CASK: variants seen among roughly 807,000 people sequenced by gnomAD.
CASK encodes peripheral plasma membrane protein CASK.
Under a neutral mutation model 82.9 loss-of-function variants are expected in CASK, and 4 were observed. The ratio of observed to expected loss-of-function variants is 0.05; its 90% CI spans 0.02 to 0.11. The LOEUF is 0.11. Ranked by LOEUF, CASK falls within the 10% of genes least tolerant of loss-of-function variation. The pLI, the probability that CASK is intolerant of heterozygous loss-of-function variation, is 1.00. For synonymous variants in CASK, 259 were observed against 253.5 expected, an observed-to-expected ratio of 1.02 and a Z score of -0.20; for missense variants, 358 against 720.9, an observed-to-expected ratio of 0.50 and a Z score of 5.76.
chrX:41,855,863 C>G (rs2071358007), intron 1 of CASK, among the ~76,000 whole-genome samples: 1 of 112,421 alleles, frequency 8.9e-6, no homozygotes. Flanking sequence ...TTATTCAACT[C>G]TTTACAAATT....
At chrX:41,676,668 T>A (rs1490910354) in intron 5 of CASK, among the ~76,000 whole-genome samples, 1 of 112,410 alleles carries the variant, frequency 8.9e-6, no homozygotes, top group South Asian at 3.7e-4. Context: ...AGTACTATCA[T>A]CAGTTTTAGG....
intron 15 of CASK, among the ~76,000 whole-genome samples, chrX:41,572,243 C>G (rs1017527260): frequency 9.1e-6 from 1 of 110,493 alleles, no homozygotes; most frequent in Non-Finnish European, 1.9e-5. Context: ...CACCACCAAA[C>G]CTGGCTTCTA....
At chrX:41,793,695 C>G (rs1463009812) in intron 2 of CASK, among the ~76,000 whole-genome samples, 5 of 111,786 alleles carry the variant, frequency 4.5e-5, no homozygotes, top group Non-Finnish European at 9.4e-5. Context: ...AGGACAAGTA[C>G]TAATGTGTTC....
chrX:41,806,211 A>C (rs1260982449), intron 2 of CASK, among the ~76,000 whole-genome samples: 1 of 112,020 alleles, frequency 8.9e-6, no homozygotes, highest in Non-Finnish European at 1.9e-5. Flanking sequence ...CTGACTTTAG[A>C]GTGACTAAAA....
At chrX:41,628,041 C>CA (rs2066409552) in intron 9 of CASK, among the ~76,000 whole-genome samples, 1 of 111,850 alleles carries the variant, frequency 8.9e-6, no homozygotes, top group South Asian at 3.7e-4. Flanking sequence ...ATGGACTTAT[C>CA]TTACAGGATT....
At chrX:41,845,405 A>C (rs953720178) in intron 2 of CASK, among the ~76,000 whole-genome samples, 3 of 111,767 alleles carry the variant, frequency 2.7e-5, no homozygotes, top group African/African-American at 9.7e-5. Context: ...AATCTTCTTG[A>C]TGGATTAATG....
intron 5 of CASK, chrX:41,727,778 T>A (rs749042708): frequency 1.7e-6 from 2 of 1,208,196 alleles, no homozygotes; most frequent in South Asian, 1.8e-5. Context: ...AAAAGACATC[T>A]TTTGGTCATC....
chrX:41,709,723 G>A (rs111732919), intron 5 of CASK, among the ~76,000 whole-genome samples: 231 of 111,582 alleles, frequency 2.1e-3, no homozygotes, highest in African/African-American at 7.3e-3. Context: ...TTTTCTAAAT[G>A]TGGTTCTCAG....
At chrX:41,714,068 C>G (rs990929360) in intron 5 of CASK, among the ~76,000 whole-genome samples, 7 of 112,002 alleles carry the variant, frequency 6.2e-5, no homozygotes, top group African/African-American at 2.3e-4. Flanking sequence ...CTTGGCTCAA[C>G]CCTCTGCTGG....
intron 1 of CASK, among the ~76,000 whole-genome samples, chrX:41,905,242 G>T (rs543631614): frequency 6.3e-5 from 7 of 111,675 alleles, no homozygotes; most frequent in African/African-American, 2.3e-4. Context: ...TAATTCTCTT[G>T]GGCACATACC....
chrX:41,910,138 C>T (rs1205547975), intron 1 of CASK, among the ~76,000 whole-genome samples: 3 of 110,523 alleles, frequency 2.7e-5, no homozygotes, highest in Non-Finnish European at 5.7e-5. Context: ...AGGAGAATTG[C>T]TTGAACCCAG....
chrX:41,644,261 T>C (rs890156560), intron 8 of CASK, among the ~76,000 whole-genome samples: 2 of 112,146 alleles, frequency 1.8e-5, no homozygotes, highest in Non-Finnish European at 3.8e-5. Context: ...AAGGACTGGC[T>C]GAAACTATGG....
rs1045386345 is a variant in CASK at position 41,781,840 on chromosome X, C to A, written c.278+5338G>T. On this transcript the variant is annotated intron_variant, in intron 3 of 26. Coordinates refer to ENST00000378163, the MANE Select transcript of CASK (RefSeq NM_001367721.1). ...AAGGCCAATTGTTGAGGTGAATTTA[C>A]AAAACAATGATACAAAAGAACAATT... Among the ~76,000 whole-genome samples, 4 of 112,066 alleles carry A rather than the reference C, an allele frequency of 3.6e-5. No homozygotes were observed. In the East Asian group the frequency reaches 1.1e-3, roughly 31 times the overall value.
chrX:41,818,145 CTGTG>C (rs59931187), intron 2 of CASK, among the ~76,000 whole-genome samples: 3,581 of 85,313 alleles, frequency 0.042, 58 homozygotes, highest in African/African-American at 0.058. Context: ...AGGAGGCCTT[CTGTG>C]TGTGTGTGTG....
chrX:41,681,762 T>C (rs1414343230), intron 5 of CASK, among the ~76,000 whole-genome samples: 4 of 109,781 alleles, frequency 3.6e-5, no homozygotes, highest in African/African-American at 1.3e-4. Context: ...CTGGCCAACA[T>C]GGTGAAACCC....
intron 2 of CASK, among the ~76,000 whole-genome samples, chrX:41,821,857 C>T (rs1285878355): frequency 9.0e-6 from 1 of 111,614 alleles, no homozygotes; most frequent in African/African-American, 3.3e-5. Context: ...GAAGTGTAAG[C>T]CAAAGTTCCC....
At chrX:41,725,966 C>G (rs771203433) in intron 5 of CASK, among the ~76,000 whole-genome samples, 25 of 112,128 alleles carry the variant, frequency 2.2e-4, no homozygotes, top group African/African-American at 8.1e-4. Context: ...ATCCTCAAAC[C>G]TCAGCCTCCC....
chrX:41,707,132 G>T (rs1048787207), intron 5 of CASK, among the ~76,000 whole-genome samples: 2 of 112,406 alleles, frequency 1.8e-5, no homozygotes, highest in Non-Finnish European at 3.8e-5. Context: ...TCATCCAGAG[G>T]TGGAGTCTAC....
chrX:41,804,313 A>G (rs1244665274), intron 2 of CASK, among the ~76,000 whole-genome samples: 2 of 111,204 alleles, frequency 1.8e-5, no homozygotes, highest in Non-Finnish European at 3.8e-5. Context: ...ACACCACTGC[A>G]CTCCAGCCTG....
Sources: gnomAD v4.1 joint callset for allele counts (sites outside exome capture counted in the v4.1 genomes callset) on GRCh38, gnomAD v4.1.1 for gene constraint, MANE v1.5 for transcripts, NCBI Gene and HGNC (gene_info 2026-07-23, HGNC 2026-07-21) for gene names.